The following ATXN1 variants were observed in gnomAD, a reference collection of about 807,000 sequenced individuals.
ATXN1 encodes ataxin-1.
In ATXN1, 8 loss-of-function variants were observed where a neutral mutation model predicts 56.4. That is an observed-to-expected ratio of 0.14 (90% CI 0.08 to 0.26). The LOEUF (loss-of-function observed/expected upper bound fraction) is 0.26, where lower values mean the gene tolerates loss of function less well. Ranked by LOEUF, ATXN1 falls within the 10% of genes least tolerant of loss-of-function variation. ATXN1 has a pLI of 1.00. For synonymous variants in ATXN1, 514 were observed against 494.6 expected, an observed-to-expected ratio of 1.04 and a Z score of -0.52; for missense variants, 987 against 1,106.5, an observed-to-expected ratio of 0.89 and a Z score of 1.53.
rs572412289 is a variant in ATXN1 at position 16,688,662 on chromosome 6, G to A, written c.-614-30761C>T. Reference sequence around the variant, plus strand: ...ACCCAAAACAGGGTAATTGTGCAAAGAGAGAATTTTGTGTATGTCCCCTTT... The same window carrying A: ...ACCCAAAACAGGGTAATTGTGCAAAAAGAGAATTTTGTGTATGTCCCCTTT... On this transcript the variant is annotated intron_variant, in intron 2 of 7. Coordinates refer to ENST00000436367, the MANE Select transcript of ATXN1 (RefSeq NM_001128164.2). 5.3e-5 allele frequency among the ~76,000 whole-genome samples: 8 copies of A among 152,352 alleles called. No individual in the cohort carries two copies. In the South Asian group the frequency reaches 1.7e-3, roughly 32 times the overall value.
chr6:16,501,766 A>G (rs2113674429), intron 5 of ATXN1, among the ~76,000 whole-genome samples: 1 of 152,270 alleles, frequency 6.6e-6, no homozygotes, highest in East Asian at 1.9e-4. Context: ...TATTGTAAAT[A>G]CTGCTGCAGT....
chr6:16,494,942 G>A (rs1318450252), intron 5 of ATXN1, among the ~76,000 whole-genome samples: 4 of 152,150 alleles, frequency 2.6e-5, no homozygotes, highest in Admixed American at 6.6e-5. Flanking sequence ...TCCACATCCC[G>A]AGTTACACAT....
chr6:16,440,892 G>A (rs186886648), intron 6 of ATXN1, among the ~76,000 whole-genome samples: 23 of 152,288 alleles, frequency 1.5e-4, no homozygotes, highest in Admixed American at 8.5e-4. Flanking sequence ...GAATGGGTGT[G>A]GCCGAACCAT....
intron 2 of ATXN1, among the ~76,000 whole-genome samples, chr6:16,701,616 G>A (rs1453165374): frequency 6.6e-6 from 1 of 152,178 alleles, no homozygotes; most frequent in Non-Finnish European, 1.5e-5. Flanking sequence ...TCCTTAAGCT[G>A]ATAAGCAACG....
chr6:16,334,700 A>G (rs1199665061), intron 6 of ATXN1, among the ~76,000 whole-genome samples: 1 of 152,176 alleles, frequency 6.6e-6, no homozygotes, highest in Non-Finnish European at 1.5e-5. Flanking sequence ...CTAGGTGATA[A>G]AGCAAGACCC....
intron 3 of ATXN1, among the ~76,000 whole-genome samples, chr6:16,639,216 G>T (rs188914724): frequency 6.6e-6 from 1 of 152,180 alleles, no homozygotes; most frequent in African/African-American, 2.4e-5. Context: ...CCCCTTCCAC[G>T]CTGTGGAAGG....
chr6:16,445,493 A>G (rs1242742417), intron 6 of ATXN1, among the ~76,000 whole-genome samples: 1 of 151,962 alleles, frequency 6.6e-6, no homozygotes, highest in Non-Finnish European at 1.5e-5. Flanking sequence ...TCTGCTTTCA[A>G]ATGTGTTTGA....
At chr6:16,399,944 G>C (rs1336882971) in intron 6 of ATXN1, among the ~76,000 whole-genome samples, 2 of 152,162 alleles carry the variant, frequency 1.3e-5, no homozygotes, top group Non-Finnish European at 2.9e-5. Flanking sequence ...ATCCTCTGAA[G>C]ATGCTTGTTT....
chr6:16,418,869 T>C (rs1430638655), intron 6 of ATXN1, among the ~76,000 whole-genome samples: 1 of 151,962 alleles, frequency 6.6e-6, no homozygotes, highest in East Asian at 1.9e-4. Context: ...ATATTTCTAT[T>C]TGTTCCTTAG....
chr6:16,620,760 C>T (rs1763306232), intron 3 of ATXN1, among the ~76,000 whole-genome samples: 1 of 152,200 alleles, frequency 6.6e-6, no homozygotes, highest in Non-Finnish European at 1.5e-5. Context: ...AAGGAGGATG[C>T]CACTGGGTTT....
intron 2 of ATXN1, among the ~76,000 whole-genome samples, chr6:16,711,587 A>AT (rs1177046675): frequency 1.0e-5 from 1 of 99,958 alleles, no homozygotes; most frequent in Non-Finnish European, 2.0e-5. Flanking sequence ...AGTTCACAAA[A>AT]TAAAAAAAAA....
intron 2 of ATXN1, among the ~76,000 whole-genome samples, chr6:16,702,980 G>C (rs1283455216): frequency 6.6e-6 from 1 of 151,804 alleles, no homozygotes; most frequent in South Asian, 2.1e-4. Context: ...CCCATTACTG[G>C]GTATATACCA....
chr6:16,663,233 TG>T (rs1217838727), intron 2 of ATXN1, among the ~76,000 whole-genome samples: 2 of 152,060 alleles, frequency 1.3e-5, no homozygotes, highest in Non-Finnish European at 2.9e-5. Context: ...CCTCCCGAAG[TG>T]CTAGGATTAC....
intron 6 of ATXN1, among the ~76,000 whole-genome samples, chr6:16,445,659 G>A (rs925797013): frequency 1.4e-5 from 2 of 145,310 alleles, no homozygotes; most frequent in Non-Finnish European, 3.0e-5. Context: ...ATCTCCTAAT[G>A]CTATCCCTCC....
At chr6:16,334,391 A>C (rs549280823) in intron 6 of ATXN1, among the ~76,000 whole-genome samples, 4 of 152,320 alleles carry the variant, frequency 2.6e-5, no homozygotes, top group Admixed American at 1.3e-4. Flanking sequence ...CAATATGAAC[A>C]ACCATTTGGT....
intron 6 of ATXN1, among the ~76,000 whole-genome samples, chr6:16,426,623 G>C (rs942014992): frequency 7.0e-6 from 1 of 143,748 alleles, no homozygotes; most frequent in South Asian, 2.2e-4. Context: ...GTGTGTGTGA[G>C]AGAGAGAGAG....
intron 5 of ATXN1, among the ~76,000 whole-genome samples, chr6:16,492,828 C>G (rs73366778): frequency 0.011 from 1,726 of 152,232 alleles, 29 homozygotes; most frequent in African/African-American, 0.039. Context: ...GTATCTCCCC[C>G]TACAAACTCC....
chr6:16,439,321 C>G (rs1349658405), intron 6 of ATXN1, among the ~76,000 whole-genome samples: 4 of 112,764 alleles, frequency 3.5e-5, no homozygotes, highest in African/African-American at 1.4e-4. Flanking sequence ...ATTTTCAGAG[C>G]TAGAGACTTC....
chr6:16,417,277 C>T lies in ATXN1; in HGVS notation c.-161+68695G>A, dbSNP rs1419402985. On this transcript the variant is annotated intron_variant, in intron 6 of 7. Coordinates refer to ENST00000436367, the MANE Select transcript of ATXN1 (RefSeq NM_001128164.2). ...CTTTAACTTCTGACCTTAGGCAATC[C>T]TCCTGCCTCAGCCTCCCAAGTCACT... Among the ~76,000 whole-genome samples, 2 of 152,162 alleles carry T rather than the reference C, an allele frequency of 1.3e-5. 1 individual carries two copies. The highest frequency in any genetic ancestry group is 4.8e-5 in the African/African-American group (2 of 41,436).
Sources: gnomAD v4.1 joint callset for allele counts (sites outside exome capture counted in the v4.1 genomes callset) on GRCh38, gnomAD v4.1.1 for gene constraint, MANE v1.5 for transcripts, NCBI Gene and HGNC (gene_info 2026-07-23, HGNC 2026-07-21) for gene names.